Variants in KTN1 observed in about 807,000 individuals in gnomAD.
KTN1 encodes the protein kinectin 1, also known as kinectin.
A neutral mutation model predicts 222.5 loss-of-function variants in KTN1; 130 were observed. That is an observed-to-expected ratio of 0.58 (90% CI 0.51 to 0.68). KTN1 has a LOEUF of 0.68. Among genes scored for constraint, KTN1 ranks in the 30% least tolerant of loss-of-function variants. The pLI, the probability that KTN1 is intolerant of heterozygous loss-of-function variation, is 0.00. For synonymous variants in KTN1, 512 were observed against 496.3 expected (o/e 1.03, Z -0.42); for missense variants, 1,508 against 1,500.4 (o/e 1.01, Z -0.08).
At chr14:55,610,435 A>G (rs1195699313) in intron 1 of KTN1, among the ~76,000 whole-genome samples, 7 of 152,342 alleles carry the variant, frequency 4.6e-5, no homozygotes, top group Admixed American at 1.3e-4. Flanking sequence ...CTTATATTCA[A>G]TAAACTCACA....
chr14:55,592,176 T>C (rs2034266091), intron 1 of KTN1, among the ~76,000 whole-genome samples: 1 of 152,224 alleles, frequency 6.6e-6, no homozygotes, highest in African/African-American at 2.4e-5. Flanking sequence ...AAGAAATTCT[T>C]CTCTACCTCA....
rs747524233 is a variant in KTN1 at position 55,649,816 on chromosome 14, A to G, written c.2405+3A>G. ...CTAGTTGAAGAACTTAAGAAAGTGT[A>G]AGTGATAACATTATTATAAACTGGT... On this transcript the variant is annotated splice_donor_region_variant and intron_variant, in intron 22 of 43. Coordinates refer to ENST00000395314, the MANE Select transcript of KTN1 (RefSeq NM_001079521.2). The G allele has an allele frequency of 9.5e-5, 141 of 1,487,432 alleles. No individual in the cohort carries two copies. In the Admixed American group the frequency reaches 1.3e-3, roughly 14 times the overall value. 92.1% of individuals were successfully genotyped at this position (1,487,432 alleles called of 1,614,324 possible).
chr14:55,637,106 G>A (rs1595003316), intron 10 of KTN1, 92 bp from the exon 11 acceptor site: 1 of 895,516 alleles, frequency 1.1e-6, no homozygotes. Context: ...TTCAAAGAAG[G>A]TTTTCTAGAG....
intron 5 of KTN1, among the ~76,000 whole-genome samples, chr14:55,622,036 A>G (rs1473430044): frequency 6.6e-6 from 1 of 151,616 alleles, no homozygotes; most frequent in Non-Finnish European, 1.5e-5. Flanking sequence ...TTTAGTAGAG[A>G]TGGGGTTTCA....
intron 40 of KTN1, chr14:55,674,082 A>G (rs2045688224): frequency 2.6e-5 from 4 of 152,046 alleles, no homozygotes; most frequent in Admixed American, 2.6e-4. Flanking sequence ...CACCCTGCCC[A>G]GTTTGGAATT....
At chr14:55,664,145 A>C in intron 33 of KTN1, 104 bp downstream of exon 33, 2 of 702,762 alleles carry the variant, frequency 2.8e-6, no homozygotes, top group Non-Finnish European at 4.8e-6. Flanking sequence ...TTAAATATAA[A>C]ATCTCCTTAT....
Position 55,673,182 on chromosome 14 carries a change from T to G in KTN1, c.3698T>G (p.Leu1233Arg). 1 of 1,612,498 alleles carries G rather than the reference T, an allele frequency of 6.2e-7. No individual in the cohort carries two copies. The highest frequency in any genetic ancestry group is 1.7e-5 in the Admixed American group (1 of 59,976). Residue 1233 changes from leucine (L) to arginine (R), a missense_variant, in exon 40 of 44, where the codon CTG (leucine) becomes CGG (arginine). Transcript: ENST00000395314. ...TAAACTTCATTGCAGCTGAAAGATC[T>G]GTTGACTGAATTGCAGAAAAAACTT... ...YVTEVRELKD[L>R]LTELQKKLDD...
intron 40 of KTN1, 73 bp from the exon 41 acceptor site, chr14:55,675,762 A>G (rs3736877): frequency 0.52 from 492,970 of 948,008 alleles, 134,205 homozygotes; most frequent in Non-Finnish European, 0.57. Flanking sequence ...TTCATTCTTC[A>G]GTCCTAGAGG....
chr14:55,673,817 T>C (rs2045658632), intron 40 of KTN1: 1 of 152,132 alleles, frequency 6.6e-6, no homozygotes, highest in Non-Finnish European at 1.5e-5. Flanking sequence ...GGCTTTGAGA[T>C]AAAGTTAGCT....
chr14:55,592,887 C>A (rs535658585), intron 1 of KTN1, among the ~76,000 whole-genome samples: 4 of 152,218 alleles, frequency 2.6e-5, no homozygotes, highest in African/African-American at 9.6e-5. Flanking sequence ...AAAATTCTCA[C>A]CTCTTTAAAT....
At chr14:55,617,824 A>G in intron 3 of KTN1, 140 bp from the exon 4 acceptor site, 1 of 601,988 alleles carries the variant, frequency 1.7e-6, no homozygotes, top group Non-Finnish European at 2.9e-6. Flanking sequence ...TTGTTAAATG[A>G]CGAAATAGGA....
At chr14:55,673,564 T>C (rs1197089182) in intron 40 of KTN1, 1 of 195,286 alleles carries the variant, frequency 5.1e-6, no homozygotes, top group Non-Finnish European at 1.0e-5. Flanking sequence ...AGAAATGAAA[T>C]AAAGATTGGC....
chr14:55,639,918 C>A lies in KTN1; in HGVS notation c.1829C>A (p.Ala610Glu). The A allele has an allele frequency of 6.3e-7, 1 of 1,585,344 alleles. No individual in the cohort carries two copies. Among genetic ancestry groups the A allele is most frequent in the Non-Finnish European group, 8.7e-7 (1 of 1,156,050 alleles). The stretch of plus-strand genomic sequence containing the variant: ...AAATGTCTTTCCTTCTAAAGGATTG[C>A]AGAAAAGGATAAGCAGATAAAACAG... ...VLAEELHKVI[A>E]EKDKQIKQTE... is the part of the protein sequence containing the mutation. The change falls in exon 14 of 44, where the codon GCA (alanine) becomes GAA (glutamate). Residue 610 changes from alanine (A) to glutamate (E), a missense_variant. By Grantham distance (107) the Ala-to-Glu change is moderately radical. Transcript: ENST00000395314.
At chr14:55,587,903 T>A (rs1001649327) in intron 1 of KTN1, among the ~76,000 whole-genome samples, 2 of 152,176 alleles carry the variant, frequency 1.3e-5, no homozygotes, top group African/African-American at 4.8e-5. Flanking sequence ...GTGGCTTAAT[T>A]CTTTCACTCT....
chr14:55,641,811 T>G (rs184276581), intron 18 of KTN1, 51 bp downstream of exon 18: 1 of 1,109,034 alleles, frequency 9.0e-7, no homozygotes, highest in African/African-American at 1.6e-5. Context: ...TATAACAAGA[T>G]CTGGTTCTTC....
At chr14:55,633,936 C>T (rs1337044611) in intron 8 of KTN1, among the ~76,000 whole-genome samples, 4 of 152,004 alleles carry the variant, frequency 2.6e-5, no homozygotes, top group South Asian at 2.1e-4. Flanking sequence ...GTCAGGAGTT[C>T]GAGACCAGCC....
At chr14:55,615,574 T>G (rs986306172) in intron 2 of KTN1, among the ~76,000 whole-genome samples, 9 of 152,194 alleles carry the variant, frequency 5.9e-5, no homozygotes, top group Admixed American at 5.9e-4. Flanking sequence ...TGCCAAAGAG[T>G]AGTCAAATAA....
At chr14:55,658,361 C>A (rs950827630) in intron 29 of KTN1, among the ~76,000 whole-genome samples, 185 bp from the exon 30 acceptor site, 5 of 152,174 alleles carry the variant, frequency 3.3e-5, no homozygotes, top group African/African-American at 1.2e-4. Context: ...GCAAACTCCG[C>A]AGCTAGTACT....
intron 1 of KTN1, among the ~76,000 whole-genome samples, chr14:55,609,375 C>T (rs2037212518): frequency 6.6e-6 from 1 of 152,148 alleles, no homozygotes. Flanking sequence ...GATTCTTCAT[C>T]TCTTGGTGTC....
Sources: allele counts gnomAD v4.1 joint callset (sites outside exome capture counted in the v4.1 genomes callset), GRCh38; gene constraint gnomAD v4.1.1; transcripts MANE v1.5; gene names NCBI Gene and HGNC (gene_info 2026-07-23, HGNC 2026-07-21).